ANKS1B: variants seen among roughly 807,000 people sequenced by gnomAD.
ANKS1B encodes the protein ankyrin repeat and sterile alpha motif domain containing 1B.
A neutral mutation model predicts 148.3 loss-of-function variants in ANKS1B; 36 were observed. The ratio of observed to expected loss-of-function variants is 0.24; its 90% CI spans 0.19 to 0.32. The LOEUF is 0.32. ANKS1B is among the 10% of genes least tolerant of loss of function. ANKS1B has a pLI of 1.00. For synonymous variants in ANKS1B, 542 were observed against 560.8 expected (o/e 0.97, Z 0.47); for missense variants, 1,157 against 1,542.6 (o/e 0.75, Z 4.19).
chr12:99,404,682 A>C (rs1680894169), intron 11 of ANKS1B, among the ~76,000 whole-genome samples: 1 of 145,684 alleles, frequency 6.9e-6, no homozygotes, highest in Non-Finnish European at 1.5e-5. Flanking sequence ...GGGCAAATCT[A>C]ACAGTTATTG....
rs376500897 is a variant in ANKS1B at position 98,829,120 on chromosome 12, A to G, written c.3066+54T>C. The G allele has an allele frequency of 6.2e-7, 1 of 1,602,774 alleles. No homozygotes were observed. The highest frequency in any genetic ancestry group is 2.2e-5 in the East Asian group (1 of 44,836). On this transcript the variant is annotated intron_variant, in intron 19 of 26. Coordinates refer to ENST00000683438, the MANE Select transcript of ANKS1B (RefSeq NM_001352186.2). This position sits in a 1 kb window ranked among gnomAD's most constrained non-coding sequence, Gnocchi z 5.2. ...CATAGGAAGCTACTGTTCACTATTA[A>G]AAGGCATTACCTGATATGGTTGAAA...
intron 17 of ANKS1B, among the ~76,000 whole-genome samples, chr12:98,917,877 CT>C (rs1470566199): frequency 6.6e-6 from 1 of 152,178 alleles, no homozygotes; most frequent in Non-Finnish European, 1.5e-5. Flanking sequence ...TCTTTTAATT[CT>C]TTTGAGAACT....
intron 11 of ANKS1B, among the ~76,000 whole-genome samples, chr12:99,442,877 C>T (rs1225561232): frequency 6.6e-6 from 1 of 151,836 alleles, no homozygotes; most frequent in Non-Finnish European, 1.5e-5. Flanking sequence ...TGATTGAATC[C>T]AAAGTCCTCC....
At chr12:99,534,143 T>C (rs1284127463) in intron 9 of ANKS1B, among the ~76,000 whole-genome samples, 1 of 152,178 alleles carries the variant, frequency 6.6e-6, no homozygotes, top group African/African-American at 2.4e-5. Flanking sequence ...ATAATATCAT[T>C]GTTTAAAATA....
chr12:99,724,032 T>C (rs928543854), intron 8 of ANKS1B, among the ~76,000 whole-genome samples: 5 of 150,712 alleles, frequency 3.3e-5, no homozygotes, highest in Non-Finnish European at 7.4e-5. Context: ...GACAAATTCA[T>C]GAAGATGAGA....
intron 8 of ANKS1B, among the ~76,000 whole-genome samples, chr12:99,769,756 A>T (rs2063020044): frequency 6.6e-6 from 1 of 152,226 alleles, no homozygotes; most frequent in African/African-American, 2.4e-5. Flanking sequence ...ATACAAGTAA[A>T]GTGTTCCATA....
At position 98,810,033 on chromosome 12, in the gene ANKS1B, G is replaced by A. The variant is rs76601759; in HGVS notation, c.3067-2115C>T. Among the ~76,000 whole-genome samples the A allele has an allele frequency of 3.9e-5, 6 of 152,288 alleles. No homozygotes were observed. In the East Asian group the frequency reaches 9.6e-4, roughly 24 times the overall value. On this transcript the variant is annotated intron_variant, in intron 19 of 26. Coordinates refer to ENST00000683438, the MANE Select transcript of ANKS1B (RefSeq NM_001352186.2). The stretch of plus-strand genomic sequence containing the variant: ...ATAAACTATGTTCCAACTGCCACAA[G>A]GTTTTTCTTTTTCTCTAGCAGCTAA...
chr12:99,185,725 T>G (rs1224217615), intron 14 of ANKS1B, among the ~76,000 whole-genome samples: 1 of 152,158 alleles, frequency 6.6e-6, no homozygotes, highest in Admixed American at 6.5e-5. Flanking sequence ...ATACTACGCT[T>G]TTCCCATGGT....
chr12:99,376,978 T>TAC (rs149155489), intron 12 of ANKS1B, among the ~76,000 whole-genome samples: 52 of 149,438 alleles, frequency 3.5e-4, no homozygotes, highest in South Asian at 1.1e-3. Flanking sequence ...ACCTGCACCT[T>TAC]ACACACACAC....
rs184117387 is a variant in ANKS1B at position 99,152,839 on chromosome 12, T to C, written c.2526+1450A>G. Among the ~76,000 whole-genome samples the C allele has an allele frequency of 9.8e-5, 15 of 152,328 alleles. No individual in the cohort carries two copies. The East Asian group carries it at 2.3e-3, about 23-fold the overall frequency. On this transcript the variant is annotated intron_variant, in intron 15 of 26. Coordinates refer to ENST00000683438, the MANE Select transcript of ANKS1B (RefSeq NM_001352186.2). ...AAAAAAAGACTTCAATTCTGTTTGATAGTTCTTCTAATTCTTAATGCCATC... is the reference window on the plus strand; with the variant it reads ...AAAAAAAGACTTCAATTCTGTTTGACAGTTCTTCTAATTCTTAATGCCATC...
At chr12:99,311,022 A>T (rs1435067677) in intron 12 of ANKS1B, among the ~76,000 whole-genome samples, 5 of 152,150 alleles carry the variant, frequency 3.3e-5, no homozygotes, top group African/African-American at 1.2e-4. Flanking sequence ...CATATAAGAC[A>T]CTTAGTAGGA....
At chr12:99,955,683 G>T (rs2095312053) in intron 1 of ANKS1B, among the ~76,000 whole-genome samples, 1 of 151,904 alleles carries the variant, frequency 6.6e-6, no homozygotes, top group Non-Finnish European at 1.5e-5. Flanking sequence ...TAACTTGCAG[G>T]CTTGAGTTAC....
At chr12:99,714,613 C>G (rs2057063344) in intron 8 of ANKS1B, among the ~76,000 whole-genome samples, 1 of 152,080 alleles carries the variant, frequency 6.6e-6, no homozygotes, top group South Asian at 2.1e-4. Context: ...ACTTGAGGCA[C>G]CATGATCCAC....
rs1307079399 is a variant in ANKS1B, at chr12:98,870,366, C to T, written c.2779-38230G>A. 2.6e-5 allele frequency among the ~76,000 whole-genome samples: 4 copies of T among 152,208 alleles called. No individual in the cohort carries two copies. In the East Asian group the frequency reaches 7.7e-4, roughly 29 times the overall value. On this transcript the variant is annotated intron_variant, in intron 17 of 26. Coordinates refer to ENST00000683438, the MANE Select transcript of ANKS1B (RefSeq NM_001352186.2). ...GGTAGTCAGATCCAGGCCCACAATC[C>T]AATAAAGGTGGTTGGTCCCAGAAGT...
intron 14 of ANKS1B, among the ~76,000 whole-genome samples, chr12:99,241,172 G>C (rs1251265340): frequency 6.6e-6 from 1 of 152,142 alleles, no homozygotes; most frequent in Non-Finnish European, 1.5e-5. Context: ...AAGAAGAAAA[G>C]AGAGAAGAAT....
intron 1 of ANKS1B, among the ~76,000 whole-genome samples, chr12:99,973,332 C>A (rs138694601): frequency 2.6e-5 from 4 of 152,352 alleles, no homozygotes; most frequent in East Asian, 3.9e-4. Context: ...GTAATCCCAA[C>A]ACTTTGGGAG....
intron 12 of ANKS1B, among the ~76,000 whole-genome samples, chr12:99,309,413 C>T (rs1434737878): frequency 6.6e-6 from 1 of 151,808 alleles, no homozygotes; most frequent in Non-Finnish European, 1.5e-5. Context: ...CATATTGAAA[C>T]ACTCTTATAT....
intron 22 of ANKS1B, among the ~76,000 whole-genome samples, chr12:98,784,720 T>A (rs2098773659): frequency 6.6e-6 from 1 of 152,110 alleles, no homozygotes; most frequent in African/African-American, 2.4e-5. Flanking sequence ...CGGTGGTTCC[T>A]GTGATGGTAC....
At chr12:99,004,025 G>C (rs1284493145) in intron 17 of ANKS1B, among the ~76,000 whole-genome samples, 1 of 152,202 alleles carries the variant, frequency 6.6e-6, no homozygotes, top group Non-Finnish European at 1.5e-5. Flanking sequence ...GAAAAATGCA[G>C]TTGACAGATG....
Sources: allele counts gnomAD v4.1 joint callset (sites outside exome capture counted in the v4.1 genomes callset), GRCh38; gene constraint gnomAD v4.1.1; non-coding constraint Gnocchi (gnomAD v3.1); transcripts MANE v1.5; gene names NCBI Gene and HGNC (gene_info 2026-07-23, HGNC 2026-07-21).